Variants in THSD7B observed in about 807,000 individuals in gnomAD.
THSD7B encodes the protein thrombospondin type-1 domain-containing protein 7B.
A neutral mutation model predicts 213.6 loss-of-function variants in THSD7B; 138 were observed. The observed-to-expected ratio is 0.65, with a 90% confidence interval of 0.56 to 0.74. THSD7B has a LOEUF of 0.74. THSD7B is among the 30% of genes least tolerant of loss of function. The probability of loss-of-function intolerance (pLI) is 0.00; values close to 1 mark genes in which losing one functional copy is unlikely to be tolerated. For missense variants in THSD7B, 1,931 were observed against 1,991.5 expected (o/e 0.97, Z 0.58); for synonymous variants, 742 against 687.0 (o/e 1.08, Z -1.25).
intron 7 of THSD7B, among the ~76,000 whole-genome samples, chr2:137,227,676 G>A (rs563072606): frequency 7.9e-5 from 12 of 152,184 alleles, no homozygotes; most frequent in African/African-American, 2.9e-4. Context: ...CTTTATTTTT[G>A]GCTCTTAGAT....
rs116262882 is a variant in THSD7B at position 137,469,111 on chromosome 2, C to G, written c.3138+18088C>G. Among the ~76,000 whole-genome samples, 151 of 152,248 alleles carry G rather than the reference C, an allele frequency of 9.9e-4. 1 individual carries two copies. Among genetic ancestry groups the G allele is most frequent in the African/African-American group, 3.4e-3 (141 of 41,554 alleles). On this transcript the variant is annotated intron_variant, in intron 15 of 27. Coordinates refer to ENST00000409968, the MANE Select transcript of THSD7B (RefSeq NM_001316349.2). ...TTACTGGTTTGAATGTAAGACCTAT[C>G]TGGATCTGTCTAGATTCTGGCTCCT...
intron 2 of THSD7B, among the ~76,000 whole-genome samples, chr2:137,013,449 G>A (rs1040521732): frequency 6.6e-6 from 1 of 152,146 alleles, no homozygotes; most frequent in Non-Finnish European, 1.5e-5. Context: ...GGCTGCTAGA[G>A]TTCTTAGGAT....
At chr2:137,440,832 T>C (rs1014729908) in intron 14 of THSD7B, among the ~76,000 whole-genome samples, 1 of 152,092 alleles carries the variant, frequency 6.6e-6, no homozygotes, top group African/African-American at 2.4e-5. Flanking sequence ...TTAGGAACCC[T>C]GGGAGATAAA....
chr2:137,524,674 G>A (rs964130993), intron 15 of THSD7B, among the ~76,000 whole-genome samples: 1 of 152,166 alleles, frequency 6.6e-6, no homozygotes, highest in African/African-American at 2.4e-5. Context: ...GTGTTCATAA[G>A]GTCAGGAAAT....
chr2:137,348,603 A>G (rs1293896878), intron 12 of THSD7B, among the ~76,000 whole-genome samples: 1 of 151,368 alleles, frequency 6.6e-6, no homozygotes, highest in African/African-American at 2.4e-5. Context: ...TAATTTCTGA[A>G]TTGTCTGCCA....
intron 1 of THSD7B, among the ~76,000 whole-genome samples, chr2:136,771,267 C>T (rs144479453): frequency 1.3e-5 from 2 of 151,988 alleles, no homozygotes; most frequent in African/African-American, 2.4e-5. Context: ...TATCTTCTGG[C>T]CAATCACAGA....
At chr2:136,841,821 G>A (rs1682925607) in intron 1 of THSD7B, among the ~76,000 whole-genome samples, 1 of 152,092 alleles carries the variant, frequency 6.6e-6, no homozygotes, top group Non-Finnish European at 1.5e-5. Context: ...TCTCAGACTA[G>A]CAGTCAGAGC....
At chr2:136,932,939 C>G (rs532197462) in intron 2 of THSD7B, among the ~76,000 whole-genome samples, 24 of 152,122 alleles carry the variant, frequency 1.6e-4, no homozygotes, top group African/African-American at 5.3e-4. Context: ...TTGGAAGGCA[C>G]CAGAGGCAGT....
intron 12 of THSD7B, among the ~76,000 whole-genome samples, chr2:137,356,059 C>T (rs968724824): frequency 6.6e-6 from 1 of 152,146 alleles, no homozygotes; most frequent in Non-Finnish European, 1.5e-5. Flanking sequence ...GAAGGCTGCT[C>T]TGCTGTGGCA....
intron 20 of THSD7B, among the ~76,000 whole-genome samples, chr2:137,636,071 C>T (rs1046951974): frequency 6.6e-6 from 1 of 152,184 alleles, no homozygotes; most frequent in African/African-American, 2.4e-5. Flanking sequence ...AGGCAGTCCT[C>T]ATCATCTGAT....
At chr2:137,446,387 A>C (rs1687539887) in intron 14 of THSD7B, among the ~76,000 whole-genome samples, 1 of 152,070 alleles carries the variant, frequency 6.6e-6, no homozygotes, top group South Asian at 2.1e-4. Flanking sequence ...GGGGATTAGA[A>C]ATATAGACTG....
At chr2:136,869,275 A>C (rs1683392223) in intron 1 of THSD7B, among the ~76,000 whole-genome samples, 1 of 152,206 alleles carries the variant, frequency 6.6e-6, no homozygotes, top group Admixed American at 6.5e-5. Flanking sequence ...TAAGCACAAA[A>C]CAGATAATTC....
chr2:137,496,894 G>T (rs1355300819), intron 15 of THSD7B, among the ~76,000 whole-genome samples: 1 of 152,120 alleles, frequency 6.6e-6, no homozygotes, highest in Admixed American at 6.6e-5. Context: ...CATACACAGA[G>T]GTTACCCTTG....
intron 17 of THSD7B, among the ~76,000 whole-genome samples, chr2:137,581,904 C>T (rs1681588648): frequency 6.6e-6 from 1 of 151,606 alleles, no homozygotes; most frequent in Non-Finnish European, 1.5e-5. Context: ...TGAGACCAGC[C>T]TGGCCAACAT....
chr2:136,909,498 G>A (rs1434761165), intron 2 of THSD7B, among the ~76,000 whole-genome samples: 1 of 152,180 alleles, frequency 6.6e-6, no homozygotes, highest in East Asian at 1.9e-4. Context: ...TTCCCGCAAA[G>A]TTGTGATTCC....
intron 20 of THSD7B, among the ~76,000 whole-genome samples, chr2:137,623,618 A>C (rs1373932816): frequency 2.0e-5 from 3 of 152,236 alleles, no homozygotes. Flanking sequence ...GCTGATAAGC[A>C]ACTTCAGCAA....
chr2:137,276,117 A>G lies in THSD7B; in HGVS notation c.2500+91A>G, dbSNP rs562507262. 6.4e-5 allele frequency: 56 copies of G among 881,426 alleles called. 1 individual carries two copies. The South Asian group carries it at 1.0e-3, about 16-fold the overall frequency. The allele number at this position is 881,426 out of a possible 1,614,324, so 54.6% of individuals were successfully genotyped here. A position where few individuals can be genotyped will look rare whatever the true frequency, so the allele number is the denominator to read the frequency against. Reference sequence around the variant, plus strand: ...GTTGCTTACTTTTATATTTGAATGAATTGTGATATTATTGGCTTGAATTAT... The same window carrying G: ...GTTGCTTACTTTTATATTTGAATGAGTTGTGATATTATTGGCTTGAATTAT... On this transcript the variant is annotated intron_variant, in intron 12 of 27. Coordinates refer to ENST00000409968, the MANE Select transcript of THSD7B (RefSeq NM_001316349.2).
intron 2 of THSD7B, among the ~76,000 whole-genome samples, chr2:137,004,008 C>T (rs983843924): frequency 2.6e-5 from 4 of 152,052 alleles, no homozygotes; most frequent in Admixed American, 6.6e-5. Flanking sequence ...TGCCCTTCAC[C>T]CTCCCCTGTT....
intron 1 of THSD7B, among the ~76,000 whole-genome samples, chr2:136,794,333 T>C (rs1168277562): frequency 6.6e-6 from 1 of 151,852 alleles, no homozygotes; most frequent in African/African-American, 2.4e-5. Context: ...TTCTAATATA[T>C]ACATGTAAAG....
Sources: allele counts gnomAD v4.1 joint callset (sites outside exome capture counted in the v4.1 genomes callset), GRCh38; gene constraint gnomAD v4.1.1; transcripts MANE v1.5; gene names NCBI Gene and HGNC (gene_info 2026-07-23, HGNC 2026-07-21).